The following RBFOX1 variants were observed in gnomAD, a reference collection of about 807,000 sequenced individuals.
RBFOX1 encodes RNA binding fox-1 homolog 1.
Under a neutral mutation model 57.7 loss-of-function variants are expected in RBFOX1, and 8 were observed. The ratio of observed to expected loss-of-function variants is 0.14; its 90% CI spans 0.08 to 0.25. The LOEUF is 0.25. RBFOX1 is among the 10% of genes least tolerant of loss of function. The pLI, the probability that RBFOX1 is intolerant of heterozygous loss-of-function variation, is 1.00. For synonymous variants in RBFOX1, 326 were observed against 222.4 expected, an observed-to-expected ratio of 1.47 and a Z score of -4.15; for missense variants, 611 against 548.5, an observed-to-expected ratio of 1.11 and a Z score of -1.14.
chr16:5,625,091 A>G (rs2048309872), intron 3 of RBFOX1, among the ~76,000 whole-genome samples: 1 of 152,168 alleles, frequency 6.6e-6, no homozygotes, highest in South Asian at 2.1e-4. Flanking sequence ...ACAGAATGCA[A>G]TGAAATGGAC....
At chr16:5,951,525 A>G (rs561860210) in intron 4 of RBFOX1, among the ~76,000 whole-genome samples, 1 of 152,210 alleles carries the variant, frequency 6.6e-6, no homozygotes, top group South Asian at 2.1e-4. Flanking sequence ...TACATTATGC[A>G]TGTGTATATA....
chr16:7,523,558 A>G (rs1567658081), intron 5 of RBFOX1, among the ~76,000 whole-genome samples: 1 of 152,198 alleles, frequency 6.6e-6, no homozygotes, highest in Non-Finnish European at 1.5e-5. Flanking sequence ...TGGACCGGTT[A>G]GCTGTCTACT....
chr16:6,717,559 C>G (rs1199703795), intron 3 of RBFOX1, among the ~76,000 whole-genome samples: 1 of 151,782 alleles, frequency 6.6e-6, no homozygotes, highest in South Asian at 2.1e-4. Context: ...ATTAAGATAG[C>G]CTGTGAGCCT....
intron 1 of RBFOX1, among the ~76,000 whole-genome samples, chr16:5,272,356 G>A (rs569175222): frequency 9.9e-5 from 15 of 152,144 alleles, no homozygotes; most frequent in African/African-American, 3.6e-4. Context: ...TTAAAATAAC[G>A]TTAGTTAAAA....
intron 3 of RBFOX1, among the ~76,000 whole-genome samples, chr16:6,879,062 T>G (rs560361865): frequency 2.0e-5 from 3 of 152,228 alleles, no homozygotes; most frequent in African/African-American, 4.8e-5. Context: ...TTCAGCCCAC[T>G]CTTTTAAGAA....
chr16:6,797,324 T>C (rs1465568046), intron 3 of RBFOX1, among the ~76,000 whole-genome samples: 1 of 152,112 alleles, frequency 6.6e-6, no homozygotes, highest in African/African-American at 2.4e-5. Context: ...TTCAGAGCAA[T>C]GAATGTGGGC....
In RBFOX1 at chr16:6,325,838, C is replaced by G. The variant is rs546822238; in HGVS notation, c.-64+8781C>G. 1.6e-3 allele frequency among the ~76,000 whole-genome samples: 238 copies of G among 152,238 alleles called. 2 individuals carry two copies. The highest frequency in any genetic ancestry group is 1.7e-3 in the Non-Finnish European group (114 of 68,018). On this transcript the variant is annotated intron_variant, in intron 2 of 15. Transcript: ENST00000550418. ...GGTTTTATTTTCCTAAAATATATGC[C>G]TAGTTTCTTTTGAATTCAGGTGGTT...
At chr16:7,135,360 G>T (rs1874216971) in intron 4 of RBFOX1, among the ~76,000 whole-genome samples, 1 of 152,194 alleles carries the variant, frequency 6.6e-6, no homozygotes, top group Non-Finnish European at 1.5e-5. Context: ...AGAACACTGA[G>T]ACTAGGCACA....
At chr16:7,219,649 C>T (rs895621406) in intron 4 of RBFOX1, among the ~76,000 whole-genome samples, 1 of 152,170 alleles carries the variant, frequency 6.6e-6, no homozygotes. Flanking sequence ...TTTTGTCAAA[C>T]TCGGAGTAAA....
chr16:6,122,339 C>T (rs750115073), intron 1 of RBFOX1, among the ~76,000 whole-genome samples: 2 of 149,002 alleles, frequency 1.3e-5, no homozygotes, highest in Non-Finnish European at 3.0e-5. Context: ...TATAACAGAA[C>T]CTTGTGTCTA....
At chr16:7,076,067 G>A (rs1182571011) in intron 4 of RBFOX1, among the ~76,000 whole-genome samples, 13 of 144,686 alleles carry the variant, frequency 9.0e-5, no homozygotes, top group Admixed American at 4.2e-4. Flanking sequence ...TTTTCGAGAC[G>A]AGTCTTGTTC....
intron 4 of RBFOX1, chr16:7,333,109 G>C (rs1603623685): frequency 1.9e-6 from 3 of 1,605,360 alleles, no homozygotes; most frequent in Non-Finnish European, 2.6e-6. Flanking sequence ...GCCTCTGCCA[G>C]CCAGCAACTT....
chr16:6,802,822 C>G (rs184262745), intron 3 of RBFOX1, among the ~76,000 whole-genome samples: 55 of 152,286 alleles, frequency 3.6e-4, no homozygotes, highest in Admixed American at 3.1e-3. Flanking sequence ...TTTTCGGAGA[C>G]TTGGCTATGA....
intron 3 of RBFOX1, among the ~76,000 whole-genome samples, chr16:7,022,274 A>G (rs971380721): frequency 6.6e-6 from 1 of 150,824 alleles, no homozygotes; most frequent in Non-Finnish European, 1.5e-5. Flanking sequence ...GTTCGTCTTG[A>G]ACTCAAGACA....
chr16:7,211,790 T>G (rs2091192757), intron 4 of RBFOX1, among the ~76,000 whole-genome samples: 1 of 152,180 alleles, frequency 6.6e-6, no homozygotes, highest in Non-Finnish European at 1.5e-5. Flanking sequence ...GTCTCTAGGT[T>G]GCTATGAGCT....
chr16:5,556,452 T>C (rs1357419520), intron 2 of RBFOX1, among the ~76,000 whole-genome samples: 1 of 152,228 alleles, frequency 6.6e-6, no homozygotes, highest in East Asian at 1.9e-4. Flanking sequence ...TTGACATTAG[T>C]TCAGAGAATG....
chr16:6,852,270 C>G (rs571348581), intron 3 of RBFOX1, among the ~76,000 whole-genome samples: 1 of 152,118 alleles, frequency 6.6e-6, no homozygotes, highest in Non-Finnish European at 1.5e-5. Flanking sequence ...TGTGTTCTTG[C>G]TGTCTTCCGT....
intron 1 of RBFOX1, chr16:6,056,835 C>G (rs8055778): frequency 6.6e-6 from 1 of 151,170 alleles, no homozygotes; most frequent in South Asian, 2.1e-4. Context: ...GTGATGAAGA[C>G]TTAAGACTTT....
At chr16:6,569,009 A>G (rs1050113960) in intron 2 of RBFOX1, among the ~76,000 whole-genome samples, 1 of 152,066 alleles carries the variant, frequency 6.6e-6, no homozygotes, top group African/African-American at 2.4e-5. Flanking sequence ...CCAACCTTAA[A>G]TGATCTGCCT....
Sources: allele counts gnomAD v4.1 joint callset (sites outside exome capture counted in the v4.1 genomes callset), GRCh38; gene constraint gnomAD v4.1.1; transcripts MANE v1.5; gene names NCBI Gene and HGNC (gene_info 2026-07-23, HGNC 2026-07-21).